XKR6: variants seen among roughly 807,000 people sequenced by gnomAD.
XKR6 encodes the protein XK-related protein 6.
A neutral mutation model predicts 56.7 loss-of-function variants in XKR6; 22 were observed. The ratio of observed to expected loss-of-function variants is 0.39; its 90% confidence interval spans 0.28 to 0.55. The LOEUF is 0.55. XKR6 is among the 20% of genes least tolerant of loss of function. The pLI is 0.66. For missense variants in XKR6, 852 were observed against 889.0 expected (o/e 0.96, Z 0.53); for synonymous variants, 524 against 387.8 (o/e 1.35, Z -4.13).
intron 1 of XKR6, chr8:11,035,101 T>C: frequency 4.4e-6 from 2 of 454,616 alleles, no homozygotes; most frequent in South Asian, 3.3e-5. Flanking sequence ...AAAATGGGGA[T>C]GATGATACTT....
intron 1 of XKR6, among the ~76,000 whole-genome samples, chr8:10,991,535 G>A (rs980710014): frequency 2.0e-5 from 3 of 152,092 alleles, no homozygotes; most frequent in Non-Finnish European, 2.9e-5. Context: ...CTGGGTCCTC[G>A]GGGTTGCCAT....
intron 1 of XKR6, among the ~76,000 whole-genome samples, chr8:11,036,888 G>A (rs928523834): frequency 1.3e-5 from 2 of 152,208 alleles, no homozygotes; most frequent in African/African-American, 4.8e-5. Context: ...AGGGTGGGGC[G>A]TGCCCCATCC....
intron 1 of XKR6, among the ~76,000 whole-genome samples, chr8:11,054,998 G>C (rs550882651): frequency 1.3e-5 from 2 of 152,332 alleles, no homozygotes; most frequent in South Asian, 4.1e-4. Flanking sequence ...CACAGCCAGA[G>C]GGGGCTGTAG....
chr8:10,913,163 T>A (rs1195718519), intron 2 of XKR6, among the ~76,000 whole-genome samples: 1 of 151,978 alleles, frequency 6.6e-6, no homozygotes, highest in East Asian at 1.9e-4. Flanking sequence ...TGTGTGTGTG[T>A]GTGTATATAG....
chr8:11,108,498 G>A, intron 1 of XKR6: 1 of 378,616 alleles, frequency 2.6e-6, no homozygotes, highest in South Asian at 2.0e-5. Flanking sequence ...CTCAACTTAT[G>A]AAATAAACCC....
intron 1 of XKR6, among the ~76,000 whole-genome samples, chr8:11,158,322 G>T (rs550301962): frequency 2.6e-5 from 4 of 152,270 alleles, no homozygotes; most frequent in East Asian, 3.9e-4. Context: ...AGAAGCACTC[G>T]CCAAGAAAAG....
At chr8:11,047,133 T>G (rs1021262470) in intron 1 of XKR6, among the ~76,000 whole-genome samples, 9 of 152,130 alleles carry the variant, frequency 5.9e-5, no homozygotes, top group Non-Finnish European at 8.8e-5. Context: ...ACTAAGAGAA[T>G]AGATCTTAAA....
At chr8:11,046,990 G>A (rs117392672) in intron 1 of XKR6, among the ~76,000 whole-genome samples, 7 of 152,250 alleles carry the variant, frequency 4.6e-5, no homozygotes, top group Non-Finnish European at 1.0e-4. Flanking sequence ...GCCAGGGGCT[G>A]GGGAGAAGGG....
At chr8:11,199,439 T>G (rs1178363834) in intron 1 of XKR6, among the ~76,000 whole-genome samples, 1 of 152,260 alleles carries the variant, frequency 6.6e-6, no homozygotes, top group Non-Finnish European at 1.5e-5. Flanking sequence ...ACTAAATGCC[T>G]AAAATCTCCT....
intron 1 of XKR6, among the ~76,000 whole-genome samples, chr8:11,096,385 C>T (rs947174948): frequency 4.6e-5 from 7 of 152,154 alleles, no homozygotes; most frequent in African/African-American, 1.7e-4. Flanking sequence ...TAGTTTTACA[C>T]GGAAGAGTAG....
intron 1 of XKR6, among the ~76,000 whole-genome samples, chr8:11,045,075 CTTTTTTTTTT>C (rs5889356): frequency 6.1e-4 from 22 of 36,038 alleles, no homozygotes; most frequent in African/African-American, 1.6e-3. Flanking sequence ...TCAAATCACT[CTTTTTTTTTT>C]TTTTTTTTTT....
At chr8:11,029,079 T>C (rs965624161) in intron 1 of XKR6, among the ~76,000 whole-genome samples, 2 of 152,040 alleles carry the variant, frequency 1.3e-5, no homozygotes, top group Admixed American at 1.3e-4. Flanking sequence ...GCTGGCTGAG[T>C]CCTCAGCGAC....
chr8:11,198,731 C>A (rs938049737), intron 1 of XKR6, among the ~76,000 whole-genome samples: 2 of 152,158 alleles, frequency 1.3e-5, no homozygotes, highest in African/African-American at 4.8e-5. Flanking sequence ...AGAAACAGTT[C>A]TCTCAGGAAT....
chr8:11,158,414 G>C (rs1801632411), intron 1 of XKR6, among the ~76,000 whole-genome samples: 1 of 152,206 alleles, frequency 6.6e-6, no homozygotes, highest in African/African-American at 2.4e-5. Context: ...GTTCAGGATG[G>C]CTACAGCTGA....
intron 1 of XKR6, among the ~76,000 whole-genome samples, chr8:11,164,871 T>C (rs995249166): frequency 7.9e-5 from 12 of 152,108 alleles, no homozygotes; most frequent in Admixed American, 2.6e-4. Context: ...TAAGAAACAA[T>C]GGCACTAAAG....
At chr8:10,921,376 C>A (rs1800711094) in intron 2 of XKR6, among the ~76,000 whole-genome samples, 1 of 152,210 alleles carries the variant, frequency 6.6e-6, no homozygotes, top group African/African-American at 2.4e-5. Flanking sequence ...AACCCATCCC[C>A]AGCAGGTCTG....
chr8:11,104,045 G>C (rs1798584189), intron 1 of XKR6, among the ~76,000 whole-genome samples: 1 of 152,154 alleles, frequency 6.6e-6, no homozygotes, highest in Admixed American at 6.5e-5. Flanking sequence ...TTTCATTCTT[G>C]CTTTCAAGTC....
chr8:10,966,343 C>T (rs1255682870), intron 1 of XKR6, among the ~76,000 whole-genome samples: 1 of 152,086 alleles, frequency 6.6e-6, no homozygotes, highest in Non-Finnish European at 1.5e-5. Context: ...GTGCCTGTAC[C>T]ATCACCATTA....
At chr8:10,937,122 A>C (rs1274281895) in intron 1 of XKR6, among the ~76,000 whole-genome samples, 3 of 86,630 alleles carry the variant, frequency 3.5e-5, no homozygotes, top group Admixed American at 1.3e-4. Flanking sequence ...TTTTCTCTAA[A>C]CTTCCCTTCT....
Sources: allele counts gnomAD v4.1 joint callset (sites outside exome capture counted in the v4.1 genomes callset), GRCh38; gene constraint gnomAD v4.1.1; transcripts MANE v1.5; gene names NCBI Gene and HGNC (gene_info 2026-07-23, HGNC 2026-07-21).